The following LRRC27 variants were observed in gnomAD, a reference collection of about 807,000 sequenced individuals.
The protein encoded by LRRC27 is leucine rich repeat containing 27.
LRRC27 carries 57 observed loss-of-function variants against 55.0 expected under a neutral mutation model. The observed-to-expected ratio is 1.04, with a 90% confidence interval of 0.84 to 1.29. LRRC27 has a LOEUF of 1.29. Among genes scored for constraint, LRRC27 ranks in the 50% most tolerant of loss-of-function variants. The probability of loss-of-function intolerance (pLI) is 0.00; values close to 1 mark genes in which losing one functional copy is unlikely to be tolerated. For missense variants in LRRC27, 721 were observed against 651.5 expected (o/e 1.11, Z -1.16); for synonymous variants, 278 against 251.9 (o/e 1.10, Z -0.98).
chr10:132,336,415 C>G (rs2067136131), intron 2 of LRRC27, among the ~76,000 whole-genome samples: 1 of 152,190 alleles, frequency 6.6e-6, no homozygotes, highest in Non-Finnish European at 1.5e-5. Context: ...CGGGCAATTT[C>G]CTAACAGAGA....
chr10:132,363,381 T>C (rs185539402), intron 9 of LRRC27, among the ~76,000 whole-genome samples: 33 of 152,314 alleles, frequency 2.2e-4, no homozygotes, highest in African/African-American at 5.8e-4. Flanking sequence ...GGATGATCAC[T>C]GGGCTCCCTA....
At chr10:132,351,434 G>T in intron 6 of LRRC27, 173 bp from the exon 7 acceptor site, 1 of 727,556 alleles carries the variant, frequency 1.4e-6, no homozygotes, top group Non-Finnish European at 2.4e-6. Context: ...TTCATTACGT[G>T]TCCTGAAATC....
Position 132,337,560 on chromosome 10 carries a change from G to A in LRRC27, c.211-5G>A. ...AACATTCTCTGATTCTCTTTTCCAT[G>A]GAAGCAATTGCATCTGCAAAGGAAT... On this transcript the variant is annotated splice_polypyrimidine_tract_variant and splice_region_variant and intron_variant, in intron 2 of 10. Coordinates refer to ENST00000368614, the MANE Select transcript of LRRC27 (RefSeq NM_030626.3). 6.2e-7 allele frequency: 1 copy of A among 1,610,668 alleles called. No individual in the cohort carries two copies. Among genetic ancestry groups the A allele is most frequent in the Non-Finnish European group, 8.5e-7 (1 of 1,178,812 alleles).
rs1590671300 is a variant in LRRC27 at position 132,353,098 on chromosome 10, A to G, written c.1073+1345A>G. The G allele has an allele frequency of 4.0e-6, 6 of 1,499,526 alleles. No individual in the cohort carries two copies. The Admixed American group carries it at 1.2e-4, about 31-fold the overall frequency. 92.9% of individuals were successfully genotyped at this position (1,499,526 alleles called of 1,614,324 possible). ...CCCAGGAGTCCGGCTGGCATGGACC[A>G]CAGCCACAGCACCCCCGTGCCCCTC... On this transcript the variant is annotated intron_variant, in intron 7 of 10. Transcript: ENST00000368614.
intron 2 of LRRC27, 105 bp from the exon 3 acceptor site, chr10:132,337,460 C>G: frequency 6.6e-7 from 1 of 1,504,952 alleles, no homozygotes; most frequent in South Asian, 1.3e-5. Context: ...TTAGTATATA[C>G]GGTTCTGGTT....
chr10:132,365,407 T>G lies in LRRC27; in HGVS notation c.1290-17T>G. ...AAATGTGTCAAGTCATTTCCCTCTT[T>G]GCCCTTTGTTTCTCAGTGCCCTGCA... On this transcript the variant is annotated splice_polypyrimidine_tract_variant and intron_variant, in intron 9 of 10. Coordinates refer to ENST00000368614, the MANE Select transcript of LRRC27 (RefSeq NM_030626.3). The G allele has an allele frequency of 1.2e-6, 2 of 1,613,120 alleles. No homozygotes were observed. The highest frequency in any genetic ancestry group is 1.7e-6 in the Non-Finnish European group (2 of 1,179,682).
intron 4 of LRRC27, among the ~76,000 whole-genome samples, chr10:132,342,674 A>G (rs1204229818): frequency 6.6e-6 from 1 of 152,210 alleles, no homozygotes; most frequent in East Asian, 1.9e-4. Context: ...TAAACACTCA[A>G]AACCAAAAGC....
At chr10:132,365,605 T>C in intron 10 of LRRC27, 55 bp downstream of exon 10, 2 of 1,583,276 alleles carry the variant, frequency 1.3e-6, no homozygotes. Context: ...TGTTTTGTTT[T>C]GTTTTTGTTT....
intron 10 of LRRC27, among the ~76,000 whole-genome samples, chr10:132,365,773 A>AT (rs1320038300): frequency 6.6e-6 from 1 of 152,022 alleles, no homozygotes; most frequent in East Asian, 1.9e-4. Flanking sequence ...TAATTTTTGT[A>AT]TTTTTAATAG....
intron 2 of LRRC27, among the ~76,000 whole-genome samples, chr10:132,335,411 T>C (rs1349380903): frequency 6.7e-6 from 1 of 150,074 alleles, no homozygotes; most frequent in African/African-American, 2.5e-5. Flanking sequence ...CTTCGCCTAT[T>C]GGTTGTTGGG....
At chr10:132,339,416 G>A (rs899289207) in intron 3 of LRRC27, among the ~76,000 whole-genome samples, 1 of 152,224 alleles carries the variant, frequency 6.6e-6, no homozygotes, top group Non-Finnish European at 1.5e-5. Context: ...GATAGGTGGT[G>A]TCCGGAGCAG....
chr10:132,348,352 T>G lies in LRRC27; in HGVS notation c.922T>G (p.Phe308Val), dbSNP rs1434435694. ...AGAACTACCAAAGCCAAGACACGTT[T>G]TCAGGTAAAACTGAAAAGCAACGGG... ...EKELPKPRHV[F>V]RRKTASSRSI... Residue 308 changes from phenylalanine (F) to valine (V), a missense_variant, in exon 6 of 11, where the codon TTC becomes GTC. Transcript: ENST00000368614. The surrounding 1 kb of genome is among the most constrained non-coding windows in gnomAD (Gnocchi z 4.2). 10 of 1,607,168 alleles carry G rather than the reference T, an allele frequency of 6.2e-6. No individual in the cohort carries two copies. The highest frequency in any genetic ancestry group is 8.5e-6 in the Non-Finnish European group (10 of 1,175,118).
chr10:132,364,474 C>CT (rs2068869066), intron 9 of LRRC27, among the ~76,000 whole-genome samples: 1 of 109,484 alleles, frequency 9.1e-6, no homozygotes, highest in African/African-American at 4.8e-5. Flanking sequence ...CCCACACTTA[C>CT]ACCCACCCAC....
intron 8 of LRRC27, among the ~76,000 whole-genome samples, chr10:132,356,963 C>G (rs2068338859): frequency 6.6e-6 from 1 of 152,262 alleles, no homozygotes; most frequent in Non-Finnish European, 1.5e-5. Context: ...TGGGGTAAGG[C>G]CCCCAAGGGC....
chr10:132,354,386 G>A (rs112276542), intron 7 of LRRC27, among the ~76,000 whole-genome samples: 2,623 of 152,308 alleles, frequency 0.017, 46 homozygotes, highest in South Asian at 0.049. Flanking sequence ...TGCTTCCCAA[G>A]GTGTGACCAG....
rs909463350 is a variant in LRRC27 at position 132,362,492 on chromosome 10, G to A, written c.1289+917G>A. ...AGTGCCTGGTGGACAGAGCAGAGTC[G>A]GGGCGCAAGGCAAGGACGGAAGCTG... On this transcript the variant is annotated intron_variant, in intron 9 of 10. Coordinates refer to ENST00000368614, the MANE Select transcript of LRRC27 (RefSeq NM_030626.3). Among the ~76,000 whole-genome samples the A allele has an allele frequency of 3.9e-5, 6 of 152,192 alleles. No homozygotes were observed. The East Asian group carries it at 5.8e-4, about 15-fold the overall frequency.
chr10:132,345,333 G>T (rs2748390), intron 5 of LRRC27, among the ~76,000 whole-genome samples: 85,949 of 152,134 alleles, frequency 0.56, 24,876 homozygotes, highest in Admixed American at 0.64. Context: ...TGCATGTTTG[G>T]AACATTAGCC....
intron 10 of LRRC27, 83 bp downstream of exon 10, chr10:132,365,633 G>T (rs530384499): frequency 2.4e-5 from 36 of 1,503,486 alleles, no homozygotes; most frequent in Non-Finnish European, 3.2e-5. Context: ...ACAGAGTCTT[G>T]TTCTGTCACC....
intron 1 of LRRC27, among the ~76,000 whole-genome samples, chr10:132,332,736 A>C (rs563210787): frequency 6.8e-6 from 1 of 146,742 alleles, no homozygotes. Context: ...TCTACCCCCC[A>C]ATTAACTGCG....
Sources: gnomAD v4.1 joint callset for allele counts (sites outside exome capture counted in the v4.1 genomes callset) on GRCh38, gnomAD v4.1.1 for gene constraint, Gnocchi (gnomAD v3.1) non-coding constraint, MANE v1.5 for transcripts, NCBI Gene and HGNC (gene_info 2026-07-23, HGNC 2026-07-21) for gene names.